Variants in MRTFA observed in about 807,000 individuals in gnomAD.
MRTFA encodes the protein myocardin-related transcription factor A.
A neutral mutation model predicts 83.5 loss-of-function variants in MRTFA; 20 were observed. The ratio of observed to expected loss-of-function variants is 0.24; its 90% CI spans 0.17 to 0.35. The LOEUF (loss-of-function observed/expected upper bound fraction) is 0.35, where lower values mean the gene tolerates loss of function less well. Among genes scored for constraint, MRTFA ranks in the 10% least tolerant of loss-of-function variants. The pLI is 1.00. For synonymous variants in MRTFA, 659 were observed against 541.2 expected (o/e 1.22, Z -3.02); for missense variants, 1,200 against 1,224.7 (o/e 0.98, Z 0.30).
intron 3 of MRTFA, among the ~76,000 whole-genome samples, chr22:40,527,927 A>G (rs2055006320): frequency 6.6e-6 from 1 of 152,142 alleles, no homozygotes; most frequent in South Asian, 2.1e-4. Context: ...AAGGAGGAAA[A>G]AAAAAGATGC....
At chr22:40,438,423 C>A (rs76204476) in intron 4 of MRTFA, among the ~76,000 whole-genome samples, 1,916 of 152,322 alleles carry the variant, frequency 0.013, 37 homozygotes, top group African/African-American at 0.043. Context: ...ACAACCCACA[C>A]TGGCTATCCC....
chr22:40,488,546 C>G (rs1225887713), intron 3 of MRTFA, among the ~76,000 whole-genome samples: 2 of 151,498 alleles, frequency 1.3e-5, no homozygotes, highest in Non-Finnish European at 2.9e-5. Context: ...ATTAAAAATT[C>G]AGCCGGGTGC....
At chr22:40,547,466 G>A (rs968128845) in intron 3 of MRTFA, among the ~76,000 whole-genome samples, 4 of 152,114 alleles carry the variant, frequency 2.6e-5, no homozygotes, top group Admixed American at 6.6e-5. Context: ...AGCACAGCAA[G>A]TACAAGGCCC....
chr22:40,455,369 G>A (rs1173429323), intron 4 of MRTFA, among the ~76,000 whole-genome samples: 1 of 151,738 alleles, frequency 6.6e-6, no homozygotes, highest in African/African-American at 2.4e-5. Flanking sequence ...CATGGCGGCC[G>A]GGTGCGGTGG....
intron 3 of MRTFA, among the ~76,000 whole-genome samples, chr22:40,479,680 C>T (rs1450049297): frequency 6.6e-6 from 1 of 151,988 alleles, no homozygotes; most frequent in Non-Finnish European, 1.5e-5. Context: ...CAACATGGTG[C>T]TCAAAGGAAA....
intron 3 of MRTFA, among the ~76,000 whole-genome samples, chr22:40,528,875 CT>C (rs566971767): frequency 1.3e-5 from 2 of 150,438 alleles, no homozygotes; most frequent in Admixed American, 1.3e-4. Context: ...TTATGAGATT[CT>C]TTTTTTTTGC....
At chr22:40,445,869 T>C (rs1178664259) in intron 4 of MRTFA, among the ~76,000 whole-genome samples, 1 of 152,200 alleles carries the variant, frequency 6.6e-6, no homozygotes, top group Non-Finnish European at 1.5e-5. Context: ...TCAAGAATCA[T>C]GCACTGCATT....
intron 1 of MRTFA, among the ~76,000 whole-genome samples, chr22:40,633,691 TTTA>T (rs1292396888): frequency 6.6e-6 from 1 of 152,148 alleles, no homozygotes; most frequent in Non-Finnish European, 1.5e-5. Context: ...ATAGCCTTTA[TTTA>T]TTATATTGCC....
intron 2 of MRTFA, among the ~76,000 whole-genome samples, chr22:40,581,757 T>C (rs2055950627): frequency 6.6e-6 from 1 of 152,186 alleles, no homozygotes; most frequent in Admixed American, 6.5e-5. Context: ...GCAATTATGA[T>C]TTCCAAGTTG....
chr22:40,556,157 G>C (rs140840674), intron 2 of MRTFA, among the ~76,000 whole-genome samples: 1 of 152,056 alleles, frequency 6.6e-6, no homozygotes, highest in South Asian at 2.1e-4. Context: ...ATACTTACAT[G>C]GCTTTTATAA....
Position 40,485,086 on chromosome 22 carries a change from AT to A in MRTFA, c.242-21801del, listed in dbSNP as rs201917639. On this transcript the variant is annotated intron_variant, in intron 3 of 14. Coordinates refer to ENST00000355630, the MANE Select transcript of MRTFA (RefSeq NM_020831.6). ...ACTCCGTCTCAAAAAAAAAAAAAAA[AT>A]CTAAAAGAATGCAAAGTGATCAAAT... Among the ~76,000 whole-genome samples, 1,018 of 151,110 alleles carry A rather than the reference AT, an allele frequency of 6.7e-3. 10 individuals are homozygous for A. Among genetic ancestry groups the A allele is most frequent in the African/African-American group, 0.024 (976 of 41,014 alleles).
chr22:40,574,283 G>A (rs1343554641), intron 2 of MRTFA, among the ~76,000 whole-genome samples: 1 of 152,122 alleles, frequency 6.6e-6, no homozygotes, highest in African/African-American at 2.4e-5. Context: ...TTCTGCTTCT[G>A]TGTATTCAAC....
chr22:40,474,117 A>G (rs1209738824), intron 3 of MRTFA, among the ~76,000 whole-genome samples: 1 of 152,216 alleles, frequency 6.6e-6, no homozygotes, highest in African/African-American at 2.4e-5. Context: ...TTTAATGGCA[A>G]AAGCTGCAAT....
intron 3 of MRTFA, among the ~76,000 whole-genome samples, chr22:40,543,767 ATAT>A (rs1209082696): frequency 6.6e-6 from 1 of 152,218 alleles, no homozygotes; most frequent in Non-Finnish European, 1.5e-5. Context: ...TTACAGTATA[ATAT>A]TATAAAAATA....
chr22:40,570,341 C>T (rs775392342), intron 2 of MRTFA, among the ~76,000 whole-genome samples: 6 of 151,710 alleles, frequency 4.0e-5, no homozygotes, highest in Admixed American at 1.3e-4. Flanking sequence ...TTTGGGAGGC[C>T]GAGGCGGGTG....
At chr22:40,562,051 C>CA (rs1217239802) in intron 2 of MRTFA, among the ~76,000 whole-genome samples, 2 of 151,916 alleles carry the variant, frequency 1.3e-5, no homozygotes, top group Admixed American at 1.3e-4. Flanking sequence ...CTCAACTCTA[C>CA]AAAAAATACA....
At chr22:40,442,188 G>A (rs1421176701) in intron 4 of MRTFA, among the ~76,000 whole-genome samples, 1 of 152,194 alleles carries the variant, frequency 6.6e-6, no homozygotes, top group Non-Finnish European at 1.5e-5. Flanking sequence ...CTATCATGAA[G>A]GAATATGTAT....
chr22:40,474,347 A>G (rs1336400730), intron 3 of MRTFA, among the ~76,000 whole-genome samples: 1 of 152,252 alleles, frequency 6.6e-6, no homozygotes, highest in Non-Finnish European at 1.5e-5. Context: ...CTTTAATGTT[A>G]TATGATAATA....
chr22:40,420,269 G>A, intron 11 of MRTFA, 136 bp downstream of exon 11: 1 of 1,030,228 alleles, frequency 9.7e-7, no homozygotes. Flanking sequence ...GGGGACCAGA[G>A]CCTAAAGCCC....
Sources: allele counts gnomAD v4.1 joint callset (sites outside exome capture counted in the v4.1 genomes callset), GRCh38; gene constraint gnomAD v4.1.1; transcripts MANE v1.5; gene names NCBI Gene and HGNC (gene_info 2026-07-23, HGNC 2026-07-21).